The following KPNA3 variants were observed in gnomAD, a reference collection of about 807,000 sequenced individuals.
The protein encoded by KPNA3 is importin subunit alpha-4.
In KPNA3, 13 loss-of-function variants were observed where a neutral mutation model predicts 73.8. The observed-to-expected ratio is 0.18, with a 90% CI of 0.11 to 0.28. The LOEUF (loss-of-function observed/expected upper bound fraction) is 0.28, where lower values mean the gene tolerates loss of function less well. Ranked by LOEUF, KPNA3 falls within the 10% of genes least tolerant of loss-of-function variation. KPNA3 has a pLI of 1.00. For missense variants in KPNA3, 360 were observed against 618.1 expected (o/e 0.58, Z 4.43); for synonymous variants, 186 against 206.9 (o/e 0.90, Z 0.87).
Position 49,792,550 on chromosome 13 carries a change from G to GGCGGCTACTCCTGCGGCTGCGGCT in KPNA3, c.-45_-44insAGCCGCAGCCGCAGGAGTAGCCGC. ...CGGCGGCTACTCCTGCGGCTGCGGC[G>GGCGGCTACTCCTGCGGCTGCGGCT]GCGGCGGCGGCGAATCTTGGAGCGG... On this transcript the variant is annotated 5_prime_UTR_variant, in exon 1 of 17. Coordinates refer to ENST00000261667, the MANE Select transcript of KPNA3 (RefSeq NM_002267.4). 7.2e-7 allele frequency: 1 copy of GGCGGCTACTCCTGCGGCTGCGGCT among 1,386,638 alleles called. No individual in the cohort carries two copies. Among genetic ancestry groups the GGCGGCTACTCCTGCGGCTGCGGCT allele is most frequent in the Non-Finnish European group, 1.0e-6 (1 of 1,003,536 alleles). 85.9% of individuals were successfully genotyped at this position (1,386,638 alleles called of 1,614,324 possible). A position where few individuals can be genotyped will look rare whatever the true frequency, so the allele number is the denominator to read the frequency against.
intron 1 of KPNA3, among the ~76,000 whole-genome samples, chr13:49,774,606 A>G (rs1383367472): frequency 6.6e-6 from 1 of 152,206 alleles, no homozygotes; most frequent in Non-Finnish European, 1.5e-5. Flanking sequence ...AAATAGGTCC[A>G]ATATTTACTA....
At chr13:49,737,561 C>CTGTGTGTG (rs3990330) in intron 2 of KPNA3, among the ~76,000 whole-genome samples, 17 of 142,958 alleles carry the variant, frequency 1.2e-4, no homozygotes, top group Non-Finnish European at 1.4e-4. Flanking sequence ...GTGTGTGTGT[C>CTGTGTGTG]TGTGTGTGTG....
At chr13:49,760,838 A>C (rs973901055) in intron 1 of KPNA3, among the ~76,000 whole-genome samples, 5 of 152,158 alleles carry the variant, frequency 3.3e-5, no homozygotes, top group African/African-American at 7.2e-5. Context: ...GGTGGGCAGC[A>C]TTCAATAAGC....
intron 1 of KPNA3, among the ~76,000 whole-genome samples, chr13:49,760,129 G>T (rs772188974): frequency 2.6e-5 from 4 of 152,148 alleles, no homozygotes; most frequent in Non-Finnish European, 2.9e-5. Flanking sequence ...GACATGATAA[G>T]ATGTAAAATC....
chr13:49,774,204 C>G (rs980169920), intron 1 of KPNA3, among the ~76,000 whole-genome samples: 1 of 152,070 alleles, frequency 6.6e-6, no homozygotes, highest in Non-Finnish European at 1.5e-5. Context: ...CACACCAGGT[C>G]TTAGTTCTTT....
intron 1 of KPNA3, among the ~76,000 whole-genome samples, chr13:49,775,220 T>C (rs1359217786): frequency 2.0e-5 from 3 of 151,434 alleles, no homozygotes; most frequent in East Asian, 1.9e-4. Context: ...CTAGCTATTT[T>C]TGACAAACAC....
intron 1 of KPNA3, among the ~76,000 whole-genome samples, chr13:49,750,276 A>G (rs898086111): frequency 6.6e-6 from 1 of 152,198 alleles, no homozygotes; most frequent in African/African-American, 2.4e-5. Context: ...TACATTATAA[A>G]TGATATTAAG....
chr13:49,783,446 G>C (rs1008338078), intron 1 of KPNA3, among the ~76,000 whole-genome samples: 2 of 152,004 alleles, frequency 1.3e-5, no homozygotes, highest in Non-Finnish European at 2.9e-5. Flanking sequence ...GTATCCTCGG[G>C]GGGGTTGGCT....
intron 6 of KPNA3, among the ~76,000 whole-genome samples, chr13:49,728,695 G>T (rs1954434147): frequency 6.6e-6 from 1 of 152,168 alleles, no homozygotes. Flanking sequence ...TATTCTTGTT[G>T]ACCTTCTAGA....
chr13:49,750,834 A>G (rs1594449687), intron 1 of KPNA3, among the ~76,000 whole-genome samples: 1 of 152,120 alleles, frequency 6.6e-6, no homozygotes, highest in Admixed American at 6.5e-5. Flanking sequence ...TCTACTAAAA[A>G]TATCAAAATT....
At position 49,761,169 on chromosome 13, in the gene KPNA3, CTGA is replaced by C. The variant is rs1954755823; in HGVS notation, c.70-14179_70-14177del. ...GAAAAAAATATTTTTTAATGCAGTG[CTGA>C]TGTCATATAAGTAGTAGAGAAGAGG... On this transcript the variant is annotated intron_variant, in intron 1 of 16. Coordinates refer to ENST00000261667, the MANE Select transcript of KPNA3 (RefSeq NM_002267.4). Among the ~76,000 whole-genome samples, 3 of 152,202 alleles carry C rather than the reference CTGA, an allele frequency of 2.0e-5. No individual in the cohort carries two copies. In the South Asian group the frequency reaches 6.2e-4, roughly 32 times the overall value.
chr13:49,748,359 G>A (rs1163021215), intron 1 of KPNA3, among the ~76,000 whole-genome samples: 1 of 151,948 alleles, frequency 6.6e-6, no homozygotes, highest in East Asian at 1.9e-4. Flanking sequence ...TGCCTTATGG[G>A]GAAACACTGA....
At chr13:49,788,120 A>C (rs1373889436) in intron 1 of KPNA3, among the ~76,000 whole-genome samples, 1 of 152,188 alleles carries the variant, frequency 6.6e-6, no homozygotes, top group Non-Finnish European at 1.5e-5. Context: ...TACTTACTTG[A>C]TATAGGACTG....
At chr13:49,748,789 T>C (rs1221891004) in intron 1 of KPNA3, among the ~76,000 whole-genome samples, 1 of 152,114 alleles carries the variant, frequency 6.6e-6, no homozygotes, top group Non-Finnish European at 1.5e-5. Context: ...GAACCTTGAA[T>C]TTAATTCTAT....
Position 49,722,559 on chromosome 13 carries a change from T to G in KPNA3, c.474A>C (p.Ala158=). The G allele has an allele frequency of 6.2e-7, 1 of 1,600,360 alleles. No homozygotes were observed. Among genetic ancestry groups the G allele is most frequent in the South Asian group, 1.1e-5 (1 of 89,126 alleles). ...GAAGAAGTCTCAGAAAAAGAGGTAC[T>G]GCATCTGTAATAAAGAAAAACTAAT... The part of the protein sequence containing the change: ...AQTQAVVQSN[A]VPLFLRLLRS... Residue 158 remains alanine (A), a synonymous_variant, in exon 8 of 17, where the codon GCA becomes GCC. Coordinates refer to ENST00000261667, the MANE Select transcript of KPNA3 (RefSeq NM_002267.4).
At chr13:49,759,391 A>G (rs1779282524) in intron 1 of KPNA3, among the ~76,000 whole-genome samples, 1 of 152,148 alleles carries the variant, frequency 6.6e-6, no homozygotes, top group African/African-American at 2.4e-5. Context: ...ACAGAAGACA[A>G]TTTTTCCATG....
chr13:49,717,558 C>T (rs1464891607), intron 10 of KPNA3, among the ~76,000 whole-genome samples: 2 of 151,946 alleles, frequency 1.3e-5, no homozygotes, highest in Non-Finnish European at 2.9e-5. Context: ...TTAATATCTT[C>T]CCCCGTGTTC....
rs1954152509 is a variant in KPNA3, at chr13:49,701,968, T to A, written c.1468-70A>T. The A allele has an allele frequency of 1.4e-5, 13 of 946,918 alleles. No individual in the cohort carries two copies. In the South Asian group the frequency reaches 1.9e-4, roughly 14 times the overall value. The allele number at this position is 946,918 out of a possible 1,614,324, so 58.7% of individuals were successfully genotyped here. ...ACATTATGATGTAAGTGGAATTGAC[T>A]TTTTACCTCTTAGCAAATAATTCTA... On this transcript the variant is annotated intron_variant, in intron 16 of 16. Transcript: ENST00000261667.
At chr13:49,774,649 G>A (rs1954882018) in intron 1 of KPNA3, among the ~76,000 whole-genome samples, 1 of 152,154 alleles carries the variant, frequency 6.6e-6, no homozygotes, top group African/African-American at 2.4e-5. Flanking sequence ...CATAGGGAGG[G>A]ATATGTTGGT....
Sources: gnomAD v4.1 joint callset for allele counts (sites outside exome capture counted in the v4.1 genomes callset) on GRCh38, gnomAD v4.1.1 for gene constraint, MANE v1.5 for transcripts, NCBI Gene and HGNC (gene_info 2026-07-23, HGNC 2026-07-21) for gene names.